Variants in DIS3L2 observed in about 807,000 individuals in gnomAD.
DIS3L2 encodes DIS3-like exonuclease 2.
In DIS3L2, 34 loss-of-function variants were observed where a neutral mutation model predicts 97.5. The observed-to-expected ratio is 0.35, with a 90% CI of 0.27 to 0.46. The LOEUF (loss-of-function observed/expected upper bound fraction) is 0.46, where lower values mean the gene tolerates loss of function less well. DIS3L2 is among the 20% of genes least tolerant of loss of function. The probability of loss-of-function intolerance (pLI) is 1.00; values close to 1 mark genes in which losing one functional copy is unlikely to be tolerated. For synonymous variants in DIS3L2, 435 were observed against 445.2 expected (o/e 0.98, Z 0.29); for missense variants, 1,038 against 1,146.0 (o/e 0.91, Z 1.36).
At chr2:232,100,049 A>T (rs941013028) in intron 6 of DIS3L2, among the ~76,000 whole-genome samples, 10 of 151,172 alleles carry the variant, frequency 6.6e-5, no homozygotes, top group Non-Finnish European at 1.3e-4. Context: ...TTTTATTTTT[A>T]TTTTTTGAGA....
chr2:232,266,475 G>A (rs1412265341), intron 13 of DIS3L2, among the ~76,000 whole-genome samples: 2 of 152,160 alleles, frequency 1.3e-5, no homozygotes, highest in African/African-American at 4.8e-5. Flanking sequence ...GTCCTAATTA[G>A]GTTCCAGTTA....
chr2:232,261,883 T>C (rs1001388237), intron 12 of DIS3L2, among the ~76,000 whole-genome samples: 3 of 152,214 alleles, frequency 2.0e-5, no homozygotes, highest in African/African-American at 4.8e-5. Context: ...AATTTCTCTA[T>C]GTCTTAGTTT....
intron 12 of DIS3L2, 71 bp from the exon 13 acceptor site, chr2:232,263,136 A>G: frequency 6.7e-7 from 1 of 1,482,558 alleles, no homozygotes; most frequent in Non-Finnish European, 9.3e-7. Context: ...GTATGGATGA[A>G]TGGCTGAAGG....
chr2:232,316,765 T>C (rs539773690), intron 14 of DIS3L2, among the ~76,000 whole-genome samples: 1 of 152,384 alleles, frequency 6.6e-6, no homozygotes, highest in African/African-American at 2.4e-5. Flanking sequence ...TTGTGCTTAT[T>C]ATTGAATTGT....
intron 9 of DIS3L2, among the ~76,000 whole-genome samples, chr2:232,175,180 T>G (rs1466731652): frequency 6.6e-6 from 1 of 152,112 alleles, no homozygotes; most frequent in Non-Finnish European, 1.5e-5. Context: ...GTAGATGCTC[T>G]CTATCAGCTG....
At chr2:232,315,091 G>T (rs1559208217) in intron 14 of DIS3L2, among the ~76,000 whole-genome samples, 1 of 152,108 alleles carries the variant, frequency 6.6e-6, no homozygotes, top group East Asian at 1.9e-4. Context: ...ACCCAAGGAG[G>T]CTTGCCCCTT....
chr2:232,135,607 G>A (rs1004561839), intron 7 of DIS3L2, among the ~76,000 whole-genome samples: 2 of 152,182 alleles, frequency 1.3e-5, no homozygotes, highest in Admixed American at 6.5e-5. Context: ...GAAGACGGGT[G>A]CCCTAAGGTG....
At chr2:232,006,765 A>G (rs1694063637) in intron 1 of DIS3L2, among the ~76,000 whole-genome samples, 1 of 152,214 alleles carries the variant, frequency 6.6e-6, no homozygotes, top group Admixed American at 6.5e-5. Flanking sequence ...AATTGTAGAG[A>G]GAGAAAGAGA....
chr2:232,263,116 T>C, intron 12 of DIS3L2, 91 bp from the exon 13 acceptor site: 4 of 1,323,226 alleles, frequency 3.0e-6, no homozygotes, highest in Non-Finnish European at 4.2e-6. Context: ...AATAAATCTT[T>C]GTTGAATGTG....
chr2:232,336,862 G>A lies in DIS3L2; in HGVS notation c.*232G>A. ...AGTGACCCCAGCAGAGCAGGCCCCA[G>A]TCCTCCTGGGAGGCTGGCCCCCCTT... On this transcript the variant is annotated 3_prime_UTR_variant, in exon 21 of 21. Transcript: ENST00000325385. 1 of 1,358,190 alleles carries A rather than the reference G, an allele frequency of 7.4e-7. No homozygotes were observed. Among genetic ancestry groups the A allele is most frequent in the Non-Finnish European group, 9.5e-7 (1 of 1,057,232 alleles). The allele number at this position is 1,358,190 out of a possible 1,614,324, so 84.1% of individuals were successfully genotyped here. A position where few individuals can be genotyped will look rare whatever the true frequency, so the allele number is the denominator to read the frequency against.
chr2:232,144,150 T>C (rs866893975), intron 8 of DIS3L2, among the ~76,000 whole-genome samples: 8 of 152,274 alleles, frequency 5.3e-5, no homozygotes, highest in Middle Eastern at 3.4e-3. Flanking sequence ...GCTCATTAAC[T>C]AAAGTTTTTC....
At chr2:232,066,329 A>C (rs1052980894) in intron 5 of DIS3L2, among the ~76,000 whole-genome samples, 5 of 152,038 alleles carry the variant, frequency 3.3e-5, no homozygotes, top group Non-Finnish European at 7.4e-5. Context: ...TGGAATTTTC[A>C]TCATGAATAG....
At chr2:232,208,257 TTCCTCTCCTCTTCTTC>T (rs1194348035) in intron 9 of DIS3L2, among the ~76,000 whole-genome samples, 1 of 152,026 alleles carries the variant, frequency 6.6e-6, no homozygotes, top group Admixed American at 6.6e-5. Flanking sequence ...TTCCGTTCCG[TTCCTCTCCTCTTCTTC>T]TCCTCTCCTC....
rs36151054 is a variant in DIS3L2, at chr2:231,966,641, A to ATTTTTTTTTTTTTTTTTT, written c.-94+4893_-94+4910dup. Among the ~76,000 whole-genome samples, 31 of 50,398 alleles carry ATTTTTTTTTTTTTTTTTT rather than the reference A, an allele frequency of 6.2e-4. 2 individuals are homozygous for ATTTTTTTTTTTTTTTTTT. Among genetic ancestry groups the ATTTTTTTTTTTTTTTTTT allele is most frequent in the Admixed American group, 1.1e-3 (3 of 2,744 alleles). The allele number at this position is 50,398 out of a possible 152,430, so 33.1% of individuals were successfully genotyped here. A position where few individuals can be genotyped will look rare whatever the true frequency, so the allele number is the denominator to read the frequency against. ...CACCATGCCCAGCTAGTTAAAAAACATTTTTTTTTTTTTTTTTTTTTTTTT... is the reference window on the plus strand; with the variant it reads ...CACCATGCCCAGCTAGTTAAAAAACATTTTTTTTTTTTTTTTTTTTTTTTTTTTTTTTTTTTTTTTTTT... On this transcript the variant is annotated intron_variant, in intron 1 of 20. Transcript: ENST00000325385.
intron 13 of DIS3L2, among the ~76,000 whole-genome samples, chr2:232,277,065 G>A (rs1291281842): frequency 6.6e-6 from 1 of 152,232 alleles, no homozygotes; most frequent in Non-Finnish European, 1.5e-5. Flanking sequence ...GATCTGGGAG[G>A]TGGGGGAGGA....
At chr2:232,000,761 AC>A (rs1693873399) in intron 1 of DIS3L2, among the ~76,000 whole-genome samples, 1 of 99,300 alleles carries the variant, frequency 1.0e-5, no homozygotes, top group Admixed American at 1.3e-4. Flanking sequence ...ACTGGATTTC[AC>A]CATGTTGTTG....
chr2:232,147,360 C>T (rs949744550), intron 8 of DIS3L2, among the ~76,000 whole-genome samples: 10 of 152,170 alleles, frequency 6.6e-5, no homozygotes, highest in African/African-American at 2.4e-4. Flanking sequence ...TTCTCTCCTC[C>T]TCCAAAACTA....
chr2:232,279,225 C>A (rs952890217), intron 13 of DIS3L2, among the ~76,000 whole-genome samples: 1 of 148,358 alleles, frequency 6.7e-6, no homozygotes, highest in Admixed American at 6.6e-5. Context: ...GCGTGAGCCA[C>A]CATGGCCAGC....
rs772331189 is a variant in DIS3L2, at chr2:232,263,182, C to T, written c.1426-25C>T. ...TGAAAAACATTTGTCCTCACAATTC[C>T]CTTGTAATCTGTCCATCTTTGCAGA... On this transcript the variant is annotated intron_variant, in intron 12 of 20. Coordinates refer to ENST00000325385, the MANE Select transcript of DIS3L2 (RefSeq NM_152383.5). The T allele has an allele frequency of 3.7e-6, 6 of 1,609,322 alleles. No individual in the cohort carries two copies. The South Asian group carries it at 6.6e-5, about 18-fold the overall frequency.
Sources: gnomAD v4.1 joint callset for allele counts (sites outside exome capture counted in the v4.1 genomes callset) on GRCh38, gnomAD v4.1.1 for gene constraint, MANE v1.5 for transcripts, NCBI Gene and HGNC (gene_info 2026-07-23, HGNC 2026-07-21) for gene names.